Variants in AMD1 observed in about 807,000 individuals in gnomAD.
The protein encoded by AMD1 is S-adenosylmethionine decarboxylase proenzyme.
A neutral mutation model predicts 40.2 loss-of-function variants in AMD1; 11 were observed. That is an observed-to-expected ratio of 0.27 (90% CI 0.17 to 0.45). The LOEUF is 0.45. Ranked by LOEUF, AMD1 falls within the 20% of genes least tolerant of loss-of-function variation. The pLI, the probability that AMD1 is intolerant of heterozygous loss-of-function variation, is 1.00. For missense variants in AMD1, 257 were observed against 410.2 expected (o/e 0.63, Z 3.23); for synonymous variants, 121 against 130.8 (o/e 0.93, Z 0.51).
the AMD1 span, among the ~76,000 whole-genome samples, chr6:110,844,598 G>T: frequency 2.0e-5 from 3 of 151,836 alleles, no homozygotes; most frequent in African/African-American, 7.3e-5. Context: ...TGGCTAACAC[G>T]GTGAAACCCC....
chr6:110,877,439 A>C (rs2115273359), intron 1 of AMD1, among the ~76,000 whole-genome samples: 1 of 152,392 alleles, frequency 6.6e-6, no homozygotes, highest in East Asian at 1.9e-4. Context: ...AGAGAGTATC[A>C]TGGACGGAGT....
At chr6:110,855,157 G>C in the AMD1 span, among the ~76,000 whole-genome samples, 11 of 142,838 alleles carry the variant, frequency 7.7e-5, no homozygotes, top group East Asian at 2.2e-3. Flanking sequence ...GCCTCCCCAA[G>C]TGCTAGGATT....
the AMD1 span, among the ~76,000 whole-genome samples, chr6:110,838,031 C>T: frequency 7.1e-6 from 1 of 140,352 alleles, no homozygotes; most frequent in South Asian, 2.3e-4. Flanking sequence ...CATTGCACTC[C>T]AAACCTGGGC....
the AMD1 span, among the ~76,000 whole-genome samples, chr6:110,843,630 A>G: frequency 5.9e-5 from 9 of 152,276 alleles, no homozygotes; most frequent in African/African-American, 1.9e-4. Flanking sequence ...ACTATTACCC[A>G]GGCTGGAGTG....
chr6:110,884,516 C>G (rs1376261727), intron 1 of AMD1, among the ~76,000 whole-genome samples: 2 of 152,190 alleles, frequency 1.3e-5, no homozygotes, highest in Non-Finnish European at 2.9e-5. Flanking sequence ...TCACTGCACC[C>G]TCCATCTCCT....
At chr6:110,854,185 C>G in the AMD1 span, among the ~76,000 whole-genome samples, 7 of 152,136 alleles carry the variant, frequency 4.6e-5, no homozygotes, top group Admixed American at 1.3e-4. Context: ...ATGGAAGATG[C>G]AGAACACAAA....
upstream of AMD1, among the ~76,000 whole-genome samples, chr6:110,871,289 CAAAAA>C (rs905515571): frequency 3.3e-5 from 5 of 151,712 alleles, no homozygotes; most frequent in African/African-American, 1.2e-4. Flanking sequence ...AAAATTAAAA[CAAAAA>C]AAATCACTCT....
the AMD1 span, among the ~76,000 whole-genome samples, chr6:110,844,314 T>G: frequency 6.6e-5 from 10 of 151,094 alleles, no homozygotes; most frequent in African/African-American, 1.9e-4. Context: ...TGTGCCACAA[T>G]GCCTGGCTAG....
chr6:110,859,084 G>A, the AMD1 span: 11 of 1,288,536 alleles, frequency 8.5e-6, no homozygotes, highest in Non-Finnish European at 1.2e-5. Context: ...GCTCCCTCGG[G>A]CGCGCAGGCT....
chr6:110,874,830 C>T lies in AMD1; in HGVS notation c.-276C>T, dbSNP rs573881435. ...GACATTAGCTAGCGCTCGCTCTACT[C>T]TCTCTAACGGGAAAGCAGCGGAATA... On this transcript the variant is annotated 5_prime_UTR_variant, in exon 1 of 9. Transcript: ENST00000368885. The T allele has an allele frequency of 2.7e-6, 1 of 372,616 alleles. No individual in the cohort carries two copies. Among genetic ancestry groups the T allele is most frequent in the South Asian group, 3.4e-5 (1 of 29,342 alleles). 23.1% of individuals were successfully genotyped at this position (372,616 alleles called of 1,614,324 possible).
At chr6:110,819,943 A>G in the AMD1 span, among the ~76,000 whole-genome samples, 1 of 152,212 alleles carries the variant, frequency 6.6e-6, no homozygotes, top group South Asian at 2.1e-4. Context: ...TATAGGAGAC[A>G]TCCTACCAGT....
chr6:110,857,357 A>G, the AMD1 span, among the ~76,000 whole-genome samples: 8 of 151,788 alleles, frequency 5.3e-5, no homozygotes, highest in East Asian at 1.6e-3. Context: ...ATATGAATAA[A>G]GCCCGTCTCT....
chr6:110,893,976 C>CCG lies in AMD1; in HGVS notation c.*360_*361insCG. On this transcript the variant is annotated 3_prime_UTR_variant, in exon 9 of 9. Transcript: ENST00000368885. ...TCCAAGTATCATCCAAAATTCCCCA[C>CCG]AGACAAGGCTTTCGTCCTCATTAGG... 3.7e-5 allele frequency: 8 copies of CCG among 214,144 alleles called. No individual in the cohort carries two copies. Among genetic ancestry groups the CCG allele is most frequent in the South Asian group, 2.3e-4 (3 of 13,044 alleles). The allele number at this position is 214,144 out of a possible 1,614,324, so 13.3% of individuals were successfully genotyped here.
the AMD1 span, among the ~76,000 whole-genome samples, chr6:110,833,405 G>C: frequency 2.0e-5 from 3 of 151,994 alleles, no homozygotes; most frequent in Non-Finnish European, 4.4e-5. Context: ...ATGTACCAGG[G>C]GGAAAAAAAG....
the AMD1 span, among the ~76,000 whole-genome samples, chr6:110,818,646 T>G: frequency 6.6e-6 from 1 of 152,182 alleles, no homozygotes; most frequent in Admixed American, 6.5e-5. Flanking sequence ...GTTCTAGTGA[T>G]TCTCCTGTCT....
At chr6:110,826,579 T>G in the AMD1 span, among the ~76,000 whole-genome samples, 2 of 152,144 alleles carry the variant, frequency 1.3e-5, no homozygotes, top group Admixed American at 1.3e-4. Flanking sequence ...TGGTGTTGCC[T>G]GAAAGCCTCG....
In AMD1 at chr6:110,890,256, C is replaced by T. The variant is rs369005588; in HGVS notation, c.327C>T (p.Ser109=). 1.9e-6 allele frequency: 3 copies of T among 1,546,682 alleles called. No individual in the cohort carries two copies. Among genetic ancestry groups the T allele is most frequent in the African/African-American group, 1.4e-5 (1 of 71,020 alleles). ...CTTTCTTTTCTTTTTTAATAAAGAG[C>T]TTCTTTTATTCTCGTAAGAATTTCA... ...RDYSGFDSIQ[S]FFYSRKNFMK... is the part of the protein sequence containing the mutation. Residue 109 remains serine, a splice_region_variant and synonymous_variant, in exon 4 of 9, where the codon AGC becomes AGT. Transcript: ENST00000368885.
rs1324529543 is a variant in AMD1 at position 110,894,885 on chromosome 6, C to T, written c.*1269C>T. On this transcript the variant is annotated 3_prime_UTR_variant, in exon 9 of 9. Coordinates refer to ENST00000368885, the MANE Select transcript of AMD1 (RefSeq NM_001634.6). ...TTCATAGGATGAAATGAATGACTGC[C>T]CAGAATGAGAATTTGTCCAGATTAT... 1 of 151,806 alleles carries T rather than the reference C, an allele frequency of 6.6e-6. No individual in the cohort carries two copies. Among genetic ancestry groups the T allele is most frequent in the Non-Finnish European group, 1.5e-5 (1 of 67,972 alleles). 9.4% of individuals were successfully genotyped at this position (151,806 alleles called of 1,614,324 possible). A position where few individuals can be genotyped will look rare whatever the true frequency, so the allele number is the denominator to read the frequency against.
the AMD1 span, among the ~76,000 whole-genome samples, chr6:110,820,253 T>TTTTTTTA: frequency 2.0e-5 from 3 of 151,334 alleles, no homozygotes; most frequent in Admixed American, 6.6e-5. Flanking sequence ...TTTTTTTTTT[T>TTTTTTTA]GAGATGGACT....
Sources: gnomAD v4.1 joint callset for allele counts (sites outside exome capture counted in the v4.1 genomes callset) on GRCh38, gnomAD v4.1.1 for gene constraint, MANE v1.5 for transcripts, NCBI Gene and HGNC (gene_info 2026-07-23, HGNC 2026-07-21) for gene names.